Variants in DCHS2 observed in about 807,000 individuals in gnomAD.
The protein encoded by DCHS2 is dachsous cadherin-related 2.
In DCHS2, 142 loss-of-function variants were observed where a neutral mutation model predicts 182.4. The observed-to-expected ratio is 0.78, with a 90% confidence interval of 0.68 to 0.89. The LOEUF (loss-of-function observed/expected upper bound fraction) is 0.89. DCHS2 is among the 40% of genes least tolerant of loss of function. The pLI, the probability that DCHS2 is intolerant of heterozygous loss-of-function variation, is 0.00. For synonymous variants in DCHS2, 1,740 were observed against 1,663.3 expected (o/e 1.05, Z -1.12); for missense variants, 4,319 against 4,198.6 (o/e 1.03, Z -0.79).
At chr4:154,437,140 G>C (rs1277064235) in intron 1 of DCHS2, among the ~76,000 whole-genome samples, 1 of 152,134 alleles carries the variant, frequency 6.6e-6, no homozygotes, top group Non-Finnish European at 1.5e-5. Context: ...CTCAAAGTGT[G>C]AGCCCTAGAC....
intron 1 of DCHS2, among the ~76,000 whole-genome samples, chr4:154,488,608 AT>A (rs75050872): frequency 0.7 from 105,888 of 152,052 alleles, 38,003 homozygotes; most frequent in East Asian, 0.99. Flanking sequence ...TGTTAAAAAA[AT>A]ATATGAGACA....
In DCHS2 at chr4:154,347,489, C is replaced by T. The variant is rs576803638; in HGVS notation, c.2477-12385G>A. On this transcript the variant is annotated intron_variant, in intron 3 of 19. Coordinates refer to ENST00000357232, the MANE Select transcript of DCHS2 (RefSeq NM_001358235.2). ...TGAAGAATCAGACTAATACCATTTA[C>T]TGTGCAGAACTGCTATGAGGATAAA... Among the ~76,000 whole-genome samples, 63 of 151,682 alleles carry T rather than the reference C, an allele frequency of 4.2e-4. 2 individuals carry two copies. Among genetic ancestry groups the T allele is most frequent in the African/African-American group, 1.4e-3 (59 of 41,086 alleles).
rs1386680473 is a variant in DCHS2 at position 154,436,950 on chromosome 4, G to A, written c.2052+52354C>T. ...GGATATATTCTTTAAATAACATATA[G>A]TATTACAATTAATTTCATCTGTTTC... On this transcript the variant is annotated intron_variant, in intron 1 of 19. Coordinates refer to ENST00000357232, the MANE Select transcript of DCHS2 (RefSeq NM_001358235.2). Among the ~76,000 whole-genome samples the A allele has an allele frequency of 6.6e-5, 10 of 152,242 alleles. No homozygotes were observed. In the East Asian group the frequency reaches 1.9e-3, roughly 29 times the overall value.
Position 154,366,344 on chromosome 4 carries a change from C to T in DCHS2, c.2342G>A (p.Ser781Asn), listed in dbSNP as rs757506390. 3 of 1,613,722 alleles carry T rather than the reference C, an allele frequency of 1.9e-6. No individual in the cohort carries two copies. Among genetic ancestry groups the T allele is most frequent in the Admixed American group, 1.7e-5 (1 of 59,988 alleles). Reference protein sequence around the residue: ...FNPSTYVTSISDETQPGTEII... With the variant: ...FNPSTYVTSINDETQPGTEII... ...CTCGGTGCCTGGCTGGGTCTCATCACTGATGCTCGTCACATAGGTTGATGG... is the reference window on the plus strand; with the variant it reads ...CTCGGTGCCTGGCTGGGTCTCATCATTGATGCTCGTCACATAGGTTGATGG... Residue 781 changes from serine to asparagine, a missense_variant, in exon 3 of 20, where the codon AGT becomes AAT. By Grantham distance (46) the Ser-to-Asn change is conservative. Transcript: ENST00000357232.
At chr4:154,326,528 T>TAA (rs1561043940) in intron 7 of DCHS2, among the ~76,000 whole-genome samples, 2 of 152,222 alleles carry the variant, frequency 1.3e-5, no homozygotes, top group African/African-American at 2.4e-5. Context: ...GCCATATATA[T>TAA]AACCAGTCTC....
chr4:154,274,601 C>T (rs898465882), intron 13 of DCHS2, among the ~76,000 whole-genome samples: 23 of 152,022 alleles, frequency 1.5e-4, no homozygotes, highest in South Asian at 2.1e-4. Context: ...TAGTATCTGG[C>T]GTATTTTGCT....
intron 16 of DCHS2, among the ~76,000 whole-genome samples, chr4:154,252,165 T>G (rs1732398992): frequency 6.6e-6 from 1 of 152,144 alleles, no homozygotes; most frequent in Non-Finnish European, 1.5e-5. Flanking sequence ...AAATCTTTTC[T>G]TTTTCAATTT....
chr4:154,483,295 A>G (rs1735992866), intron 1 of DCHS2, among the ~76,000 whole-genome samples: 1 of 152,218 alleles, frequency 6.6e-6, no homozygotes, highest in African/African-American at 2.4e-5. Flanking sequence ...AATCTAGATT[A>G]AAAAATAAAT....
chr4:154,466,439 A>G (rs1735242467), intron 1 of DCHS2, among the ~76,000 whole-genome samples: 1 of 152,216 alleles, frequency 6.6e-6, no homozygotes, highest in Non-Finnish European at 1.5e-5. Context: ...CTGAGCCTAA[A>G]GAACCCATCA....
intron 14 of DCHS2, among the ~76,000 whole-genome samples, chr4:154,262,464 T>C (rs1382297671): frequency 6.6e-6 from 1 of 152,212 alleles, no homozygotes; most frequent in African/African-American, 2.4e-5. Flanking sequence ...ACTAACACCT[T>C]CCTTAGAGTA....
intron 3 of DCHS2, among the ~76,000 whole-genome samples, chr4:154,345,875 G>A (rs760923018): frequency 5.9e-5 from 9 of 152,242 alleles, no homozygotes; most frequent in Non-Finnish European, 7.3e-5. Flanking sequence ...GAGATAAGAT[G>A]TCTTAGTCAG....
intron 13 of DCHS2, among the ~76,000 whole-genome samples, chr4:154,286,806 A>C (rs1734421157): frequency 6.6e-6 from 1 of 152,178 alleles, no homozygotes; most frequent in African/African-American, 2.4e-5. Flanking sequence ...CAAAGGGATG[A>C]TAACAGAGAA....
rs183998191 is a variant in DCHS2 at position 154,301,500 on chromosome 4, A to T, written c.5606-2792T>A. Among the ~76,000 whole-genome samples the T allele has an allele frequency of 4.6e-5, 7 of 151,890 alleles. No individual in the cohort carries two copies. In the East Asian group the frequency reaches 1.4e-3, roughly 29 times the overall value. ...TTGCCTTATTTTTATTTATTTATTT[A>T]TTTATTTTTATTTTTATTTTTTGAG... On this transcript the variant is annotated intron_variant, in intron 12 of 19. Coordinates refer to ENST00000357232, the MANE Select transcript of DCHS2 (RefSeq NM_001358235.2).
intron 14 of DCHS2, among the ~76,000 whole-genome samples, chr4:154,268,229 T>A (rs756786150): frequency 2.3e-4 from 29 of 125,776 alleles, no homozygotes; most frequent in Non-Finnish European, 4.6e-4. Flanking sequence ...ACCTTTCACT[T>A]TCCCCCCCCC....
intron 3 of DCHS2, among the ~76,000 whole-genome samples, chr4:154,348,546 G>A (rs1459909412): frequency 6.6e-6 from 1 of 151,848 alleles, no homozygotes; most frequent in Non-Finnish European, 1.5e-5. Context: ...ATTAGTTAAG[G>A]ATCTCAAGAG....
chr4:154,438,359 T>G (rs1278201231), intron 1 of DCHS2, among the ~76,000 whole-genome samples: 1 of 152,214 alleles, frequency 6.6e-6, no homozygotes, highest in Non-Finnish European at 1.5e-5. Flanking sequence ...ATTTCTGGCT[T>G]TCCATTCTGT....
chr4:154,316,673 G>T (rs1000342577), intron 9 of DCHS2, among the ~76,000 whole-genome samples: 3 of 152,048 alleles, frequency 2.0e-5, no homozygotes, highest in Admixed American at 6.6e-5. Flanking sequence ...AATCTCAGCT[G>T]CTCGGGAGGC....
intron 1 of DCHS2, among the ~76,000 whole-genome samples, chr4:154,417,202 TGTGAGAGA>T (rs1732886626): frequency 3.1e-4 from 13 of 42,010 alleles, no homozygotes; most frequent in Admixed American, 6.5e-4. Context: ...TGTGTGTGTG[TGTGAGAGA>T]GAGAGAGAGA....
At chr4:154,341,572 T>C (rs558336396) in intron 3 of DCHS2, among the ~76,000 whole-genome samples, 3 of 152,186 alleles carry the variant, frequency 2.0e-5, no homozygotes, top group African/African-American at 7.2e-5. Context: ...ATATGTATCG[T>C]AATGCATACA....
Sources: allele counts gnomAD v4.1 joint callset (sites outside exome capture counted in the v4.1 genomes callset), GRCh38; gene constraint gnomAD v4.1.1; transcripts MANE v1.5; gene names NCBI Gene and HGNC (gene_info 2026-07-23, HGNC 2026-07-21).